NEGR1: variants seen among roughly 807,000 people sequenced by gnomAD.
NEGR1 encodes the protein neuronal growth regulator 1.
A neutral mutation model predicts 40.9 loss-of-function variants in NEGR1; 10 were observed. The observed-to-expected ratio is 0.24, with a 90% confidence interval of 0.15 to 0.42. The LOEUF is 0.42. Among genes scored for constraint, NEGR1 ranks in the 10% least tolerant of loss-of-function variants. The pLI is 1.00. For synonymous variants in NEGR1, 185 were observed against 166.8 expected (o/e 1.11, Z -0.84); for missense variants, 352 against 438.9 (o/e 0.80, Z 1.77).
At chr1:71,642,703 C>G (rs897692574) in intron 4 of NEGR1, among the ~76,000 whole-genome samples, 1 of 151,820 alleles carries the variant, frequency 6.6e-6, no homozygotes, top group Non-Finnish European at 1.5e-5. Flanking sequence ...TTTGTTTACT[C>G]AGTAGACTCA....
At chr1:72,117,466 C>A (rs1195759968) in intron 1 of NEGR1, among the ~76,000 whole-genome samples, 1 of 151,764 alleles carries the variant, frequency 6.6e-6, no homozygotes, top group Non-Finnish European at 1.5e-5. Context: ...ACACCAATTT[C>A]TGTGCTTTAA....
intron 1 of NEGR1, among the ~76,000 whole-genome samples, chr1:72,160,065 C>G (rs373492111): frequency 1.2e-4 from 19 of 152,114 alleles, no homozygotes; most frequent in African/African-American, 4.1e-4. Flanking sequence ...AGCAAATAAC[C>G]AAAGTTTCTG....
intron 1 of NEGR1, among the ~76,000 whole-genome samples, chr1:72,119,543 G>T (rs1241743949): frequency 6.6e-6 from 1 of 151,928 alleles, no homozygotes; most frequent in African/African-American, 2.4e-5. Flanking sequence ...ACACAATACT[G>T]CATAGGTTAT....
At chr1:71,538,662 G>A (rs549520173) in intron 6 of NEGR1, among the ~76,000 whole-genome samples, 1 of 151,808 alleles carries the variant, frequency 6.6e-6, no homozygotes, top group Non-Finnish European at 1.5e-5. Context: ...TTTATGAGAA[G>A]GCCCATAAAG....
chr1:71,794,046 A>T (rs573576456), intron 2 of NEGR1, among the ~76,000 whole-genome samples: 2 of 152,244 alleles, frequency 1.3e-5, no homozygotes, highest in East Asian at 3.9e-4. Context: ...GTTCAATAAG[A>T]TTTAGAAATA....
At chr1:71,632,014 C>T (rs1374209111) in intron 4 of NEGR1, among the ~76,000 whole-genome samples, 2 of 151,598 alleles carry the variant, frequency 1.3e-5, no homozygotes, top group Admixed American at 1.3e-4. Context: ...AAATCTACTT[C>T]AAAGGCTTGT....
intron 1 of NEGR1, among the ~76,000 whole-genome samples, chr1:72,051,351 T>C (rs1270237769): frequency 6.6e-6 from 1 of 151,478 alleles, no homozygotes; most frequent in African/African-American, 2.4e-5. Context: ...AATATATTTG[T>C]TTTAAGCATA....
chr1:71,536,251 T>C (rs2101451140), intron 6 of NEGR1, among the ~76,000 whole-genome samples: 1 of 151,862 alleles, frequency 6.6e-6, no homozygotes, highest in East Asian at 2.0e-4. Context: ...GCATATGGTA[T>C]GTTTTGCTTC....
At chr1:72,087,141 C>G (rs1486631890) in intron 1 of NEGR1, among the ~76,000 whole-genome samples, 1 of 152,002 alleles carries the variant, frequency 6.6e-6, no homozygotes, top group Non-Finnish European at 1.5e-5. Context: ...ATGACTAGGC[C>G]GGGCACAGTG....
chr1:72,079,950 T>C (rs2100526353), intron 1 of NEGR1, among the ~76,000 whole-genome samples: 1 of 152,268 alleles, frequency 6.6e-6, no homozygotes, highest in Non-Finnish European at 1.5e-5. Context: ...TATATTTGCC[T>C]ATCTGAATGA....
At chr1:71,721,191 G>A (rs1261988935) in intron 3 of NEGR1, among the ~76,000 whole-genome samples, 1 of 151,962 alleles carries the variant, frequency 6.6e-6, no homozygotes, top group Non-Finnish European at 1.5e-5. Context: ...AAAATTTCTG[G>A]CATTTACACC....
chr1:71,742,706 G>T (rs1476514073), intron 3 of NEGR1, among the ~76,000 whole-genome samples: 5 of 152,126 alleles, frequency 3.3e-5, no homozygotes, highest in Non-Finnish European at 7.3e-5. Flanking sequence ...TAAACCTTCA[G>T]TCACACCCGT....
At chr1:71,625,624 GA>G (rs1354191886) in intron 4 of NEGR1, among the ~76,000 whole-genome samples, 1 of 151,348 alleles carries the variant, frequency 6.6e-6, no homozygotes, top group East Asian at 2.0e-4. Context: ...GATACTGAGG[GA>G]TGAATGAATA....
At chr1:71,701,622 T>C (rs537551175) in intron 3 of NEGR1, among the ~76,000 whole-genome samples, 10 of 152,060 alleles carry the variant, frequency 6.6e-5, no homozygotes, top group Non-Finnish European at 1.3e-4. Flanking sequence ...TCTTTTACCA[T>C]GTAAGGTAAC....
intron 6 of NEGR1, among the ~76,000 whole-genome samples, chr1:71,475,369 CAA>C (rs1187262357): frequency 2.0e-5 from 3 of 151,832 alleles, no homozygotes; most frequent in African/African-American, 4.8e-5. Context: ...GCAAAATATT[CAA>C]AGTTTATGTC....
chr1:71,914,764 A>ACTGTCT (rs564601098), intron 2 of NEGR1, among the ~76,000 whole-genome samples: 23 of 152,224 alleles, frequency 1.5e-4, no homozygotes, highest in Admixed American at 1.0e-3. Context: ...AATCTCTCTC[A>ACTGTCT]CTGTCTCTGT....
chr1:71,708,158 T>C (rs1653966831), intron 3 of NEGR1, among the ~76,000 whole-genome samples: 1 of 151,986 alleles, frequency 6.6e-6, no homozygotes, highest in East Asian at 1.9e-4. Flanking sequence ...GCAAATGAAC[T>C]CGAAAGGCAA....
chr1:71,567,995 G>A (rs1481965507), intron 6 of NEGR1, among the ~76,000 whole-genome samples: 1 of 152,076 alleles, frequency 6.6e-6, no homozygotes, highest in Admixed American at 6.5e-5. Flanking sequence ...GTAAATTTCT[G>A]TTGTTAATAA....
At chr1:71,837,018 T>A (rs595910) in intron 2 of NEGR1, 60,105 of 151,848 alleles carry the variant, frequency 0.4, 12,545 homozygotes, top group East Asian at 0.65. Flanking sequence ...TGCCAGACTC[T>A]TCCTTGTATT....
Sources: gnomAD v4.1 joint callset for allele counts (sites outside exome capture counted in the v4.1 genomes callset) on GRCh38, gnomAD v4.1.1 for gene constraint, MANE v1.5 for transcripts, NCBI Gene and HGNC (gene_info 2026-07-23, HGNC 2026-07-21) for gene names.